CTNNAL1: variants seen among roughly 807,000 people sequenced by gnomAD.
CTNNAL1 encodes catenin alpha like 1.
In CTNNAL1, 69 loss-of-function variants were observed where a neutral mutation model predicts 93.6. That is an observed-to-expected ratio of 0.74 (90% CI 0.61 to 0.90). CTNNAL1 has a LOEUF of 0.90. Ranked by LOEUF, CTNNAL1 falls within the 40% of genes least tolerant of loss-of-function variation. The pLI is 0.00. For missense variants in CTNNAL1, 836 were observed against 862.0 expected (o/e 0.97, Z 0.38); for synonymous variants, 286 against 305.4 (o/e 0.94, Z 0.66).
intron 1 of CTNNAL1, among the ~76,000 whole-genome samples, chr9:109,006,033 A>G (rs1827015751): frequency 6.6e-6 from 1 of 152,222 alleles, no homozygotes; most frequent in African/African-American, 2.4e-5. Context: ...AATGTTTTAA[A>G]AGGTAGGTTC....
At chr9:109,005,463 C>T (rs536698463) in intron 1 of CTNNAL1, among the ~76,000 whole-genome samples, 7 of 152,076 alleles carry the variant, frequency 4.6e-5, no homozygotes, top group Admixed American at 3.3e-4. Context: ...CTTTGGGAGA[C>T]GATTAGTTCA....
At chr9:108,955,227 C>T (rs1830662315) in intron 12 of CTNNAL1, among the ~76,000 whole-genome samples, 1 of 152,118 alleles carries the variant, frequency 6.6e-6, no homozygotes, top group African/African-American at 2.4e-5. Flanking sequence ...CTCAGGTAAT[C>T]CACCCACCTC....
At chr9:108,958,501 T>C (rs1318544535) in intron 11 of CTNNAL1, among the ~76,000 whole-genome samples, 1 of 152,206 alleles carries the variant, frequency 6.6e-6, no homozygotes, top group East Asian at 1.9e-4. Context: ...TTAGTTAGAC[T>C]CTGCATGATT....
At chr9:108,952,570 AG>A in intron 12 of CTNNAL1, 76 bp from the exon 13 acceptor site, 1 of 1,553,302 alleles carries the variant, frequency 6.4e-7, no homozygotes, top group Non-Finnish European at 8.8e-7. Flanking sequence ...AGTAATACAA[AG>A]CATAACAAAG....
At chr9:108,950,366 G>T (rs1830525157) in intron 14 of CTNNAL1, 6 of 898,150 alleles carry the variant, frequency 6.7e-6, no homozygotes, top group Non-Finnish European at 9.7e-6. Context: ...GGATAAGCTT[G>T]CTAACAACAG....
intron 1 of CTNNAL1, among the ~76,000 whole-genome samples, chr9:109,002,031 A>T (rs1826848002): frequency 6.6e-6 from 1 of 152,244 alleles, no homozygotes; most frequent in South Asian, 2.1e-4. Context: ...AATAAAAACT[A>T]GAAACGTCAA....
At chr9:108,974,116 C>T (rs986690088) in intron 8 of CTNNAL1, among the ~76,000 whole-genome samples, 23 of 152,110 alleles carry the variant, frequency 1.5e-4, no homozygotes, top group African/African-American at 4.6e-4. Flanking sequence ...GCAGGACAAA[C>T]GCAAAGTTCC....
Position 108,983,261 on chromosome 9 carries a change from A to T in CTNNAL1, c.784T>A (p.Phe262Ile). Residue 262 changes from phenylalanine (F) to isoleucine (I), a missense_variant, in exon 6 of 19, where the codon TTT becomes ATT. Physicochemically the swap from Phe to Ile is conservative, Grantham distance 21. Transcript: ENST00000325551. ...TCCAATGCCACTTTCATACGGTCAAATACTCCTTCTTTGTTTTTATGGGCT... is the reference window on the plus strand; with the variant it reads ...TCCAATGCCACTTTCATACGGTCAATTACTCCTTCTTTGTTTTTATGGGCT... ...ESAHKNKEGVFDRMKVALDKV... is the reference protein window; with the variant it reads ...ESAHKNKEGVIDRMKVALDKV... 6.3e-7 allele frequency: 1 copy of T among 1,594,426 alleles called. No homozygotes were observed. Among genetic ancestry groups the T allele is most frequent in the Non-Finnish European group, 8.5e-7 (1 of 1,170,224 alleles).
chr9:108,983,454 T>A, intron 5 of CTNNAL1, 139 bp from the exon 6 acceptor site: 1 of 975,000 alleles, frequency 1.0e-6, no homozygotes, highest in Non-Finnish European at 1.3e-6. Flanking sequence ...CAGCTGCTTC[T>A]CCTCACTAAA....
At chr9:108,972,868 G>GGGCCCCCCCCCCGGGT in intron 8 of CTNNAL1, 35 bp from the exon 9 acceptor site, 2 of 1,092,788 alleles carry the variant, frequency 1.8e-6, no homozygotes, top group Non-Finnish European at 2.5e-6. Context: ...GGGTGGGAGG[G>GGGCCCCCCCCCCGGGT]TGGAGAAGGA....
chr9:109,006,443 C>T (rs1019330806), intron 1 of CTNNAL1, among the ~76,000 whole-genome samples: 4 of 152,216 alleles, frequency 2.6e-5, no homozygotes, highest in African/African-American at 7.2e-5. Context: ...GAGCTACCTA[C>T]ACTCTTAATC....
chr9:108,985,854 A>G (rs189973558), intron 4 of CTNNAL1, among the ~76,000 whole-genome samples: 1 of 152,240 alleles, frequency 6.6e-6, no homozygotes, highest in African/African-American at 2.4e-5. Flanking sequence ...TATGGTGATA[A>G]CAAGCGACAG....
chr9:108,981,084 G>A (rs1416896628), intron 6 of CTNNAL1, among the ~76,000 whole-genome samples: 2 of 152,196 alleles, frequency 1.3e-5, no homozygotes, highest in Non-Finnish European at 2.9e-5. Flanking sequence ...ATGGCGAGAG[G>A]GCAGCAGCCA....
In CTNNAL1 at chr9:109,013,487, C is replaced by T. The variant is rs7032236; in HGVS notation, c.-45G>A. On this transcript the variant is annotated 5_prime_UTR_variant, in exon 1 of 19. Coordinates refer to ENST00000325551, the MANE Select transcript of CTNNAL1 (RefSeq NM_003798.4). The stretch of plus-strand genomic sequence containing the variant: ...AGCCGGGACTCCGCGCCGCGGCGAG[C>T]CTGCCGCCAGTCAGCCCACCCGCCC... The T allele has an allele frequency of 0.13, 167,296 of 1,316,164 alleles. 11,396 individuals carry two copies. The highest frequency in any genetic ancestry group is 0.19 in the African/African-American group (12,574 of 64,706). 81.5% of individuals were successfully genotyped at this position (1,316,164 alleles called of 1,614,324 possible).
intron 1 of CTNNAL1, among the ~76,000 whole-genome samples, chr9:109,000,309 A>T (rs1205376353): frequency 6.6e-6 from 1 of 152,218 alleles, no homozygotes; most frequent in Non-Finnish European, 1.5e-5. Context: ...TCCCACCACC[A>T]TTAGGTTTAC....
chr9:108,966,981 T>C (rs1830971834), intron 10 of CTNNAL1, among the ~76,000 whole-genome samples: 1 of 152,292 alleles, frequency 6.6e-6, no homozygotes, highest in East Asian at 1.9e-4. Context: ...ATCCAGGAGC[T>C]AGGAATTCAG....
chr9:108,977,879 C>T (rs1252033844), intron 7 of CTNNAL1, among the ~76,000 whole-genome samples: 1 of 152,070 alleles, frequency 6.6e-6, no homozygotes, highest in African/African-American at 2.4e-5. Context: ...CACCCCTTCC[C>T]GCAAATTTCT....
At chr9:108,967,941 A>G (rs1241340712) in intron 10 of CTNNAL1, among the ~76,000 whole-genome samples, 1 of 152,182 alleles carries the variant, frequency 6.6e-6, no homozygotes, top group Non-Finnish European at 1.5e-5. Context: ...TTACAGGGCC[A>G]TGTTAGCTAA....
At position 108,952,486 on chromosome 9, in the gene CTNNAL1, A is replaced by G. The variant is rs1830590317; in HGVS notation, c.1638T>C (p.Asn546=). The change falls in exon 13 of 19, where the codon AAT becomes AAC. Residue 546 remains asparagine, a synonymous_variant. Coordinates refer to ENST00000325551, the MANE Select transcript of CTNNAL1 (RefSeq NM_003798.4). ...CTGGCTTTAATGATTTCAGGTTTGC[A>G]TTATTCTTCTGTGACAATAAAAAGA... ...YLSLPKPMKN[N]ANLKSLKPDK... is the part of the protein sequence containing the mutation. 1.9e-6 allele frequency: 3 copies of G among 1,614,066 alleles called. No homozygotes were observed. The highest frequency in any genetic ancestry group is 2.7e-5 in the African/African-American group (2 of 74,952).
Sources: allele counts gnomAD v4.1 joint callset (sites outside exome capture counted in the v4.1 genomes callset), GRCh38; gene constraint gnomAD v4.1.1; transcripts MANE v1.5; gene names NCBI Gene and HGNC (gene_info 2026-07-23, HGNC 2026-07-21).